The following YTHDF2 variants were observed in gnomAD, a reference collection of about 807,000 sequenced individuals.
YTHDF2 encodes YTH N6-methyladenosine RNA binding protein F2, also known as YTH domain-containing family protein 2.
Under a neutral mutation model 50.4 loss-of-function variants are expected in YTHDF2, and 2 were observed. That is an observed-to-expected ratio of 0.04 (90% CI 0.02 to 0.12). The LOEUF (loss-of-function observed/expected upper bound fraction) is 0.12, where lower values mean the gene tolerates loss of function less well. Ranked by LOEUF, YTHDF2 falls within the 10% of genes least tolerant of loss-of-function variation. YTHDF2 has a pLI of 1.00. For synonymous variants in YTHDF2, 217 were observed against 255.6 expected, an observed-to-expected ratio of 0.85 and a Z score of 1.44; for missense variants, 483 against 722.6, an observed-to-expected ratio of 0.67 and a Z score of 3.80.
intron 3 of YTHDF2, among the ~76,000 whole-genome samples, chr1:28,738,639 G>C (rs537306499): frequency 1.3e-5 from 2 of 152,238 alleles, no homozygotes; most frequent in African/African-American, 4.8e-5. Flanking sequence ...TAGAGACGGG[G>C]TTTCATGTTG....
At position 28,743,682 on chromosome 1, in the gene YTHDF2, C is replaced by G. The variant is rs1209271435; in HGVS notation, c.1412C>G (p.Ala471Gly). Residue 471 changes from alanine to glycine, a missense_variant, in exon 4 of 5, where the codon GCA (alanine) becomes GGA (glycine). By Grantham distance (60) the Ala-to-Gly change is moderately conservative. This residue lies in a region of YTHDF2 where 59 missense variants were observed against 168.9 expected (regional missense o/e 0.35). Transcript: ENST00000373812. This position sits in a 1 kb window ranked among gnomAD's most constrained non-coding sequence, Gnocchi z 6.9. Reference protein sequence around the residue: ...VNGSGHFCGVAEMKSAVDYNT... With the variant: ...VNGSGHFCGVGEMKSAVDYNT... ...GGCAGTGGACACTTCTGTGGCGTGGCAGAAATGAAATCTGCTGTGGACTAC... is the reference window on the plus strand; with the variant it reads ...GGCAGTGGACACTTCTGTGGCGTGGGAGAAATGAAATCTGCTGTGGACTAC... The G allele has an allele frequency of 6.2e-7, 1 of 1,614,164 alleles. No individual in the cohort carries two copies. The highest frequency in any genetic ancestry group is 1.1e-5 in the South Asian group (1 of 91,086).
chr1:28,743,105 G>T lies in YTHDF2; in HGVS notation c.835G>T (p.Asp279Tyr), dbSNP rs1330144783. 1 of 1,614,188 alleles carries T rather than the reference G, an allele frequency of 6.2e-7. No individual in the cohort carries two copies. Residue 279 changes from aspartate (D) to tyrosine (Y), a missense_variant, in exon 4 of 5, where the codon GAT becomes TAT. Physicochemically the swap from Asp to Tyr is radical, Grantham distance 160. This residue lies in a region of YTHDF2 where 385 missense variants were observed against 475.8 expected (regional missense o/e 0.81). Coordinates refer to ENST00000373812, the MANE Select transcript of YTHDF2 (RefSeq NM_016258.3). The surrounding 1 kb of genome is among the most constrained non-coding windows in gnomAD (Gnocchi z 6.9). The stretch of plus-strand genomic sequence containing the variant: ...GCATAACATGGATATTGGAACTTGG[G>T]ATAACAAGGGTCCCGTTGCAAAAGC... ...IKHNMDIGTW[D>Y]NKGPVAKAPS... is the part of the protein sequence containing the mutation.
At position 28,743,412 on chromosome 1, in the gene YTHDF2, C is replaced by G. The variant is rs1288755749; in HGVS notation, c.1142C>G (p.Thr381Ser). 1 of 1,614,074 alleles carries G rather than the reference C, an allele frequency of 6.2e-7. No homozygotes were observed. The highest frequency in any genetic ancestry group is 2.2e-5 in the East Asian group (1 of 44,896). ...VGQSQAGSGS[T>S]PSEPHPVLEK... ...CAGTCTCAGGCTGGTTCTGGATCTA[C>G]TCCTTCAGAACCCCACCCAGTGTTG... The change falls in exon 4 of 5, where the codon ACT becomes AGT. Residue 381 changes from threonine (T) to serine (S), a missense_variant. By Grantham distance (58) the Thr-to-Ser change is moderately conservative. Transcript: ENST00000373812. The surrounding 1 kb of genome is among the most constrained non-coding windows in gnomAD (Gnocchi z 6.9).
intron 4 of YTHDF2, among the ~76,000 whole-genome samples, chr1:28,761,685 C>T (rs185088544): frequency 1.2e-3 from 185 of 151,954 alleles, no homozygotes; most frequent in Admixed American, 3.9e-3. Context: ...TGCGGTGAGC[C>T]GAGATTGCGC....
chr1:28,765,852 G>A (rs1367156704), intron 4 of YTHDF2, among the ~76,000 whole-genome samples: 1 of 152,192 alleles, frequency 6.6e-6, no homozygotes, highest in Non-Finnish European at 1.5e-5. Context: ...GAGCCAGAGA[G>A]TTACAGTCTA....
At chr1:28,746,499 G>A (rs1237901752) in intron 4 of YTHDF2, among the ~76,000 whole-genome samples, 2 of 151,866 alleles carry the variant, frequency 1.3e-5, no homozygotes, top group Admixed American at 1.3e-4. Flanking sequence ...CAGCACATTG[G>A]TAGGCAGAGG....
At chr1:28,766,341 T>G (rs1379283786) in intron 4 of YTHDF2, among the ~76,000 whole-genome samples, 1 of 152,174 alleles carries the variant, frequency 6.6e-6, no homozygotes, top group African/African-American at 2.4e-5. Flanking sequence ...GGTCTTGAAC[T>G]CCTGTGCTCA....
At chr1:28,762,752 G>A (rs1418923810) in intron 4 of YTHDF2, among the ~76,000 whole-genome samples, 2 of 152,136 alleles carry the variant, frequency 1.3e-5, no homozygotes, top group African/African-American at 4.8e-5. Context: ...TGAAGAGATT[G>A]CATATGTGCA....
Position 28,737,687 on chromosome 1 carries a change from G to A in YTHDF2, c.52+5G>A. 9 of 1,613,592 alleles carry A rather than the reference G, an allele frequency of 5.6e-6. No homozygotes were observed. The highest frequency in any genetic ancestry group is 7.6e-6 in the Non-Finnish European group (9 of 1,179,790). On this transcript the variant is annotated splice_donor_5th_base_variant and intron_variant, in intron 2 of 4. Transcript: ENST00000373812. Reference sequence around the variant, plus strand: ...CAAAAGGTCAAGGAAACAAAGGTAAGTCCCGCTCCGCCGGTGGCCCTGAGC... The same window carrying A: ...CAAAAGGTCAAGGAAACAAAGGTAAATCCCGCTCCGCCGGTGGCCCTGAGC...
chr1:28,741,151 C>T (rs552180939), intron 3 of YTHDF2, among the ~76,000 whole-genome samples: 1 of 152,252 alleles, frequency 6.6e-6, no homozygotes, highest in African/African-American at 2.4e-5. Context: ...GCAGGTGCCA[C>T]CACGCCTGGC....
At chr1:28,745,886 A>T (rs1295736193) in intron 4 of YTHDF2, among the ~76,000 whole-genome samples, 1 of 151,984 alleles carries the variant, frequency 6.6e-6, no homozygotes. Flanking sequence ...TAAAAAAGAA[A>T]AAATTAGCTG....
chr1:28,759,683 C>T (rs915653815), intron 4 of YTHDF2, among the ~76,000 whole-genome samples: 1 of 152,132 alleles, frequency 6.6e-6, no homozygotes, highest in Admixed American at 6.5e-5. Flanking sequence ...GGACTGGGTA[C>T]GGTGGTGCAC....
At chr1:28,753,108 G>T (rs2087981837) in intron 4 of YTHDF2, among the ~76,000 whole-genome samples, 1 of 151,782 alleles carries the variant, frequency 6.6e-6, no homozygotes, top group Admixed American at 6.6e-5. Flanking sequence ...GTTTAGCAAA[G>T]AAGTTGCTCA....
chr1:28,742,097 T>A (rs1404437472), intron 3 of YTHDF2, among the ~76,000 whole-genome samples: 2 of 149,106 alleles, frequency 1.3e-5, no homozygotes, highest in African/African-American at 5.0e-5. Flanking sequence ...GCCCACAGGC[T>A]GGAGTGCAGT....
At chr1:28,737,286 C>A in intron 1 of YTHDF2, 139 bp downstream of exon 1, 1 of 1,103,206 alleles carries the variant, frequency 9.1e-7, no homozygotes, top group Non-Finnish European at 1.2e-6. Context: ...CCTCTCAGGC[C>A]GGCCGCGCCC....
intron 4 of YTHDF2, among the ~76,000 whole-genome samples, chr1:28,759,091 T>C (rs1408121681): frequency 6.6e-6 from 1 of 152,218 alleles, no homozygotes; most frequent in Non-Finnish European, 1.5e-5. Flanking sequence ...TTTGAGATTC[T>C]TGTTCTCCCT....
chr1:28,745,191 C>T (rs2087839809), intron 4 of YTHDF2, among the ~76,000 whole-genome samples: 1 of 152,070 alleles, frequency 6.6e-6, no homozygotes, highest in Non-Finnish European at 1.5e-5. Context: ...AGAATTTACT[C>T]CTTTTAGCAG....
At chr1:28,747,851 C>A (rs933150524) in intron 4 of YTHDF2, among the ~76,000 whole-genome samples, 2 of 151,160 alleles carry the variant, frequency 1.3e-5, no homozygotes, top group South Asian at 2.1e-4. Context: ...ACTGGCCGGG[C>A]GCGGTGGCTC....
intron 4 of YTHDF2, among the ~76,000 whole-genome samples, chr1:28,759,602 T>C (rs974737259): frequency 1.2e-4 from 19 of 152,340 alleles, no homozygotes; most frequent in Admixed American, 1.0e-3. Flanking sequence ...TAGGCACTTG[T>C]AATGCAATGA....
Sources: allele counts gnomAD v4.1 joint callset (sites outside exome capture counted in the v4.1 genomes callset), GRCh38; gene constraint gnomAD v4.1.1; regional missense constraint gnomAD v4.1.1; non-coding constraint Gnocchi (gnomAD v3.1); transcripts MANE v1.5; gene names NCBI Gene and HGNC (gene_info 2026-07-23, HGNC 2026-07-21).